The following AQR variants were observed in gnomAD, a reference collection of about 807,000 sequenced individuals.
AQR encodes aquarius intron-binding spliceosomal factor, also known as RNA helicase aquarius.
Under a neutral mutation model 180.5 loss-of-function variants are expected in AQR, and 61 were observed. The ratio of observed to expected loss-of-function variants is 0.34; its 90% CI spans 0.28 to 0.42. AQR has a LOEUF of 0.42. Ranked by LOEUF, AQR falls within the 10% of genes least tolerant of loss-of-function variation. The probability of loss-of-function intolerance (pLI) is 1.00; values close to 1 mark genes in which losing one functional copy is unlikely to be tolerated. For synonymous variants in AQR, 551 were observed against 588.8 expected (o/e 0.94, Z 0.93); for missense variants, 1,281 against 1,798.3 (o/e 0.71, Z 5.20).
chr15:34,910,451 TAAAAA>T (rs916234483), intron 16 of AQR, 138 bp from the exon 17 acceptor site: 5 of 937,604 alleles, frequency 5.3e-6, no homozygotes, highest in Non-Finnish European at 7.7e-6. Context: ...TTTCTTAACT[TAAAAA>T]AAAGAAAACC....
intron 5 of AQR, among the ~76,000 whole-genome samples, chr15:34,946,253 C>G (rs1894111303): frequency 6.6e-6 from 1 of 152,218 alleles, no homozygotes; most frequent in African/African-American, 2.4e-5. Context: ...GCCTGGATAA[C>G]AAGAGCTAAA....
In AQR at chr15:34,870,783, C is replaced by G; in HGVS notation, c.3737G>C (p.Gly1246Ala). 1 of 1,612,454 alleles carries G rather than the reference C, an allele frequency of 6.2e-7. No homozygotes were observed. Among genetic ancestry groups the G allele is most frequent in the Non-Finnish European group, 8.5e-7 (1 of 1,179,286 alleles). The change falls in exon 31 of 35, where the codon GGA becomes GCA. Residue 1246 changes from glycine (G) to alanine (A), a missense_variant. By Grantham distance (60) the Gly-to-Ala change is moderately conservative (BLOSUM62 0). This residue lies in a region of AQR where 197 missense variants were observed against 320.7 expected (regional missense o/e 0.61). Coordinates refer to ENST00000156471, the MANE Select transcript of AQR (RefSeq NM_014691.3). ...LIRDIINRRCGNNPLIGRPNK... is the reference protein window; with the variant it reads ...LIRDIINRRCANNPLIGRPNK... ...TGGTCTTCCAATCAATGGATTGTTT[C>G]CACATCGTCTATTGATGATGTCGCG...
chr15:34,871,332 C>A (rs183744381), intron 30 of AQR, among the ~76,000 whole-genome samples: 3 of 151,894 alleles, frequency 2.0e-5, no homozygotes, highest in African/African-American at 2.4e-5. Context: ...CATGGTGAAA[C>A]CCTGTCTCTA....
chr15:34,918,478 A>C, intron 14 of AQR, 100 bp from the exon 15 acceptor site: 1 of 1,382,902 alleles, frequency 7.2e-7, no homozygotes, highest in South Asian at 1.4e-5. Context: ...TTATTGTAGC[A>C]GTTCAACAAG....
intron 1 of AQR, among the ~76,000 whole-genome samples, chr15:34,968,440 A>G (rs2050324346): frequency 6.6e-6 from 1 of 151,524 alleles, no homozygotes; most frequent in Non-Finnish European, 1.5e-5. Flanking sequence ...TTTTATTTTT[A>G]GTAGAGACGG....
intron 20 of AQR, among the ~76,000 whole-genome samples, chr15:34,899,123 C>T (rs1402028695): frequency 2.0e-5 from 3 of 150,838 alleles, no homozygotes; most frequent in African/African-American, 4.9e-5. Flanking sequence ...TGAGCAGAGA[C>T]GGCGCGCCAC....
rs1566976200 is a variant in AQR, at chr15:34,852,682, C to G, written c.*4110G>C. ...CATCTGAGAGTCTTTAATTAGCTAA[C>G]AGTGCATTGTGATTCTGCAAAGGAG... is the stretch of plus-strand genomic sequence containing the variant. On this transcript the variant is annotated 3_prime_UTR_variant, in exon 35 of 35. Coordinates refer to ENST00000156471, the MANE Select transcript of AQR (RefSeq NM_014691.3). 6.6e-6 allele frequency: 1 copy of G among 152,172 alleles called. No homozygotes were observed. Among genetic ancestry groups the G allele is most frequent in the Non-Finnish European group, 1.5e-5 (1 of 68,036 alleles). The allele number at this position is 152,172 out of a possible 1,614,324, so 9.4% of individuals were successfully genotyped here.
At chr15:34,954,780 T>TA (rs200782271) in intron 3 of AQR, among the ~76,000 whole-genome samples, 104 of 151,636 alleles carry the variant, frequency 6.9e-4, no homozygotes, top group East Asian at 1.2e-3. Context: ...CTTGTAAGAT[T>TA]AAAAAAAACA....
chr15:34,858,689 C>T (rs1014374339), intron 34 of AQR, among the ~76,000 whole-genome samples: 2 of 152,160 alleles, frequency 1.3e-5, no homozygotes, highest in Admixed American at 1.3e-4. Flanking sequence ...AATTTCCAGA[C>T]TGACTGTAAA....
chr15:34,933,949 C>T (rs1386115541), intron 10 of AQR, among the ~76,000 whole-genome samples: 1 of 152,040 alleles, frequency 6.6e-6, no homozygotes, highest in African/African-American at 2.4e-5. Flanking sequence ...GGTGAAACCC[C>T]GTCTCTACAA....
chr15:34,856,691 T>C lies in AQR; in HGVS notation c.*101A>G. Reference sequence around the variant, plus strand: ...AACAAATATAAGAACTAAACATTAATTAGTGACAGTAAAATGGCAGAAGCA... The same window carrying C: ...AACAAATATAAGAACTAAACATTAACTAGTGACAGTAAAATGGCAGAAGCA... On this transcript the variant is annotated 3_prime_UTR_variant, in exon 35 of 35. Transcript: ENST00000156471. 3 of 971,732 alleles carry C rather than the reference T, an allele frequency of 3.1e-6. No homozygotes were observed. The highest frequency in any genetic ancestry group is 4.4e-6 in the Non-Finnish European group (3 of 685,944). The allele number at this position is 971,732 out of a possible 1,614,324, so 60.2% of individuals were successfully genotyped here.
chr15:34,929,148 T>A (rs905252504), intron 12 of AQR, among the ~76,000 whole-genome samples: 4 of 152,174 alleles, frequency 2.6e-5, no homozygotes, highest in Admixed American at 1.3e-4. Flanking sequence ...GTTGCCTGTT[T>A]ACTCTGATGA....
At chr15:34,916,882 CAAAAAAA>C (rs71119988) in intron 15 of AQR, among the ~76,000 whole-genome samples, 3 of 79,236 alleles carry the variant, frequency 3.8e-5, no homozygotes, top group South Asian at 3.4e-4. Flanking sequence ...TTCAGCAGAA[CAAAAAAA>C]AAAAAAAAAA....
chr15:34,920,260 C>G, intron 14 of AQR, 72 bp downstream of exon 14: 8 of 1,095,258 alleles, frequency 7.3e-6, no homozygotes, highest in Non-Finnish European at 1.1e-5. Context: ...TCTATATGAA[C>G]CTACATCTTT....
chr15:34,891,507 A>T (rs1481584162), intron 23 of AQR, among the ~76,000 whole-genome samples: 4 of 152,180 alleles, frequency 2.6e-5, no homozygotes, highest in Non-Finnish European at 5.9e-5. Flanking sequence ...AAATGATTTG[A>T]ATTTCAAAAA....
intron 34 of AQR, among the ~76,000 whole-genome samples, chr15:34,859,221 C>G (rs1892634509): frequency 6.6e-6 from 1 of 151,988 alleles, no homozygotes; most frequent in Non-Finnish European, 1.5e-5. Context: ...AAATATACAG[C>G]CTAATAAAAA....
At chr15:34,911,153 A>G (rs1009970091) in intron 16 of AQR, among the ~76,000 whole-genome samples, 1 of 152,176 alleles carries the variant, frequency 6.6e-6, no homozygotes, top group Admixed American at 6.5e-5. Flanking sequence ...GTGTTTTTAT[A>G]TATGTACACA....
Position 34,875,935 on chromosome 15 carries a change from C to T in AQR, c.3237G>A (p.Gln1079=), listed in dbSNP as rs1348426310. Residue 1079 remains glutamine, a splice_region_variant and synonymous_variant, in exon 28 of 35, where the codon CAG becomes CAA. Coordinates refer to ENST00000156471, the MANE Select transcript of AQR (RefSeq NM_014691.3). ...EIETFIPLLL[Q]NPQDGFSRLK... ...TTGCCTCAGATCTTATATTTCTTAC[C>T]TGTAGAAGAAGAGGGATAAAAGTTT... The T allele has an allele frequency of 6.2e-7, 1 of 1,603,736 alleles. No homozygotes were observed. The highest frequency in any genetic ancestry group is 1.7e-5 in the Admixed American group (1 of 59,940).
chr15:34,955,778 G>A (rs372035471), intron 3 of AQR, among the ~76,000 whole-genome samples: 2 of 151,786 alleles, frequency 1.3e-5, no homozygotes, highest in Non-Finnish European at 2.9e-5. Context: ...GCGTGGTGGC[G>A]GGCACCTGTA....
Sources: gnomAD v4.1 joint callset for allele counts (sites outside exome capture counted in the v4.1 genomes callset) on GRCh38, gnomAD v4.1.1 for gene constraint, gnomAD v4.1.1 regional missense constraint, MANE v1.5 for transcripts, NCBI Gene and HGNC (gene_info 2026-07-23, HGNC 2026-07-21) for gene names.